BCKDHA: variants seen among roughly 807,000 people sequenced by gnomAD.
BCKDHA encodes the protein branched chain keto acid dehydrogenase E1 subunit alpha.
Under a neutral mutation model 52.2 loss-of-function variants are expected in BCKDHA, and 43 were observed. The ratio of observed to expected loss-of-function variants is 0.82; its 90% confidence interval spans 0.64 to 1.06. The LOEUF is 1.06. Among genes scored for constraint, BCKDHA ranks in the 50% least tolerant of loss-of-function variants. The probability of loss-of-function intolerance (pLI) is 0.00; values close to 1 mark genes in which losing one functional copy is unlikely to be tolerated. For synonymous variants in BCKDHA, 234 were observed against 247.9 expected (o/e 0.94, Z 0.53); for missense variants, 527 against 621.3 (o/e 0.85, Z 1.61).
Position 41,424,692 on chromosome 19 carries a change from C to A in BCKDHA, c.*84C>A. On this transcript the variant is annotated 3_prime_UTR_variant, in exon 9 of 9. Coordinates refer to ENST00000269980, the MANE Select transcript of BCKDHA (RefSeq NM_000709.4). ...AGGGGAGCAGGGGGACCTGACAGCA[C>A]ACCACTGTCTTCCCCAGTCAGCTCC... The A allele has an allele frequency of 7.0e-7, 1 of 1,436,406 alleles. No homozygotes were observed. The highest frequency in any genetic ancestry group is 9.4e-7 in the Non-Finnish European group (1 of 1,058,700). 89.0% of individuals were successfully genotyped at this position (1,436,406 alleles called of 1,614,324 possible).
At chr19:41,421,708 C>T (rs548532425) in intron 5 of BCKDHA, among the ~76,000 whole-genome samples, 29 of 151,972 alleles carry the variant, frequency 1.9e-4, no homozygotes, top group African/African-American at 5.8e-4. Flanking sequence ...GGACAGGAGC[C>T]GTGGGTGGGG....
chr19:41,421,566 T>G (rs1267116213), intron 5 of BCKDHA, among the ~76,000 whole-genome samples: 1 of 146,228 alleles, frequency 6.8e-6, no homozygotes, highest in South Asian at 2.2e-4. Context: ...AGTGAGCGGG[T>G]GTAGGGTGAG....
At chr19:41,416,703 T>C (rs2039311706) in intron 4 of BCKDHA, among the ~76,000 whole-genome samples, 1 of 152,096 alleles carries the variant, frequency 6.6e-6, no homozygotes. Flanking sequence ...GAGGATTGCT[T>C]GAGCCCAGGA....
At chr19:41,414,676 T>G in intron 4 of BCKDHA, among the ~76,000 whole-genome samples, 1 of 150,598 alleles carries the variant, frequency 6.6e-6, no homozygotes, top group African/African-American at 2.4e-5. Context: ...CCCAGATGAG[T>G]GAAAGGAAGG....
At position 41,423,112 on chromosome 19, in the gene BCKDHA, C is replaced by T. The variant is rs1490418239; in HGVS notation, c.1110C>T (p.Ser370=). The T allele has an allele frequency of 6.4e-7, 1 of 1,564,812 alleles. No individual in the cohort carries two copies. Among genetic ancestry groups the T allele is most frequent in the South Asian group, 1.2e-5 (1 of 85,188 alleles). The change falls in exon 8 of 9, where the codon AGC becomes AGT. Residue 370 remains serine, a synonymous_variant. Coordinates refer to ENST00000269980, the MANE Select transcript of BCKDHA (RefSeq NM_000709.4). ...CCCGGCTGCGGCACTATCTGCTGAG[C>T]CAAGGCTGGTGGGATGAGGAGCAGG... is the stretch of plus-strand genomic sequence containing the variant. The part of the protein sequence containing the change: ...PISRLRHYLL[S]QGWWDEEQEK...
At chr19:41,410,096 G>A (rs1318329805) in intron 1 of BCKDHA, among the ~76,000 whole-genome samples, 3 of 152,194 alleles carry the variant, frequency 2.0e-5, no homozygotes, top group African/African-American at 4.8e-5. Flanking sequence ...TAGGCAGTCT[G>A]ACTCTTAAGA....
At chr19:41,398,918 A>G (rs1251858107) in intron 1 of BCKDHA, among the ~76,000 whole-genome samples, 1 of 152,192 alleles carries the variant, frequency 6.6e-6, no homozygotes, top group Non-Finnish European at 1.5e-5. Flanking sequence ...AGGGCTGTGA[A>G]AAATCAATAT....
intron 3 of BCKDHA, among the ~76,000 whole-genome samples, chr19:41,413,535 C>T (rs2039278436): frequency 2.0e-5 from 3 of 152,224 alleles, no homozygotes; most frequent in African/African-American, 7.2e-5. Flanking sequence ...TGACTCCATC[C>T]ATTTACCTCA....
chr19:41,423,033 C>T lies in BCKDHA; in HGVS notation c.1031C>T (p.Ala344Val), dbSNP rs146300600. 6.8e-5 allele frequency: 109 copies of T among 1,607,844 alleles called. No individual in the cohort carries two copies. Among genetic ancestry groups the T allele is most frequent in the Non-Finnish European group, 8.5e-5 (100 of 1,177,102 alleles). ...GHHSTSDDSS[A>V]YRSVDEVNYW... ...CACAGCACCAGTGACGACAGTTCAG[C>T]GTACCGCTCGGTGGATGAGGTCAAT... The change falls in exon 8 of 9, where the codon GCG (alanine) becomes GTG (valine). Residue 344 changes from alanine to valine, a missense_variant. Transcript: ENST00000269980.
intron 5 of BCKDHA, 120 bp from the exon 6 acceptor site, chr19:41,422,044 C>A: frequency 1.0e-6 from 1 of 980,138 alleles, no homozygotes. Flanking sequence ...GTTTCCTTTC[C>A]CCTTGAAGCC....
intron 1 of BCKDHA, chr19:41,399,716 C>CCCTTTCCTTT (rs138985139): frequency 6.7e-6 from 1 of 148,984 alleles, no homozygotes; most frequent in Non-Finnish European, 1.5e-5. Flanking sequence ...TTTTCTTTTT[C>CCCTTTCCTTT]CCTTTCCTTT....
chr19:41,402,256 A>G (rs913198589), intron 1 of BCKDHA, among the ~76,000 whole-genome samples: 2 of 152,150 alleles, frequency 1.3e-5, no homozygotes, highest in Admixed American at 1.3e-4. Context: ...ATGAGATTTG[A>G]GTGGGGACAG....
intron 4 of BCKDHA, among the ~76,000 whole-genome samples, chr19:41,416,174 C>A (rs553988301): frequency 7.2e-5 from 11 of 152,146 alleles, no homozygotes; most frequent in African/African-American, 2.4e-4. Context: ...AAACTCCTGA[C>A]CTCAAGTGAT....
chr19:41,420,294 T>C (rs527948986), intron 5 of BCKDHA, among the ~76,000 whole-genome samples: 91 of 152,304 alleles, frequency 6.0e-4, no homozygotes, highest in Non-Finnish European at 1.0e-3. Context: ...ATTGTGGCCA[T>C]GGGGACAGAG....
intron 4 of BCKDHA, among the ~76,000 whole-genome samples, chr19:41,414,630 C>A (rs537908300): frequency 4.5e-4 from 69 of 152,188 alleles, no homozygotes; most frequent in African/African-American, 1.3e-3. Context: ...CCTTGACAGA[C>A]CTGAGTGCGG....
chr19:41,424,063 T>A (rs1431745181), intron 8 of BCKDHA, among the ~76,000 whole-genome samples: 6 of 150,726 alleles, frequency 4.0e-5, no homozygotes, highest in Admixed American at 1.3e-4. Flanking sequence ...CTGCCCAGAG[T>A]CAGTGTGCCA....
At chr19:41,410,388 A>T (rs1263964588) in intron 1 of BCKDHA, among the ~76,000 whole-genome samples, 1 of 152,200 alleles carries the variant, frequency 6.6e-6, no homozygotes, top group Non-Finnish European at 1.5e-5. Flanking sequence ...GTCCTATGGG[A>T]TAGGTGTTAA....
intron 1 of BCKDHA, among the ~76,000 whole-genome samples, chr19:41,406,337 C>T (rs1336372538): frequency 6.6e-6 from 1 of 152,190 alleles, no homozygotes; most frequent in Non-Finnish European, 1.5e-5. Context: ...CCTCTTCCAT[C>T]AGCATGCCGT....
intron 1 of BCKDHA, among the ~76,000 whole-genome samples, chr19:41,402,097 G>T (rs1487858217): frequency 6.6e-6 from 1 of 152,194 alleles, no homozygotes; most frequent in African/African-American, 2.4e-5. Context: ...AGTGCTTGCA[G>T]GGGAACTCCC....
Sources: gnomAD v4.1 joint callset for allele counts (sites outside exome capture counted in the v4.1 genomes callset) on GRCh38, gnomAD v4.1.1 for gene constraint, MANE v1.5 for transcripts, NCBI Gene and HGNC (gene_info 2026-07-23, HGNC 2026-07-21) for gene names.